Variants in SLC6A18 observed in about 807,000 individuals in gnomAD.
The protein encoded by SLC6A18 is inactive sodium-dependent neutral amino acid transporter B(0)AT3.
In SLC6A18, 58 loss-of-function variants were observed where a neutral mutation model predicts 62.9. That is an observed-to-expected ratio of 0.92 (90% CI 0.75 to 1.15). The LOEUF (loss-of-function observed/expected upper bound fraction) is 1.15. Among genes scored for constraint, SLC6A18 ranks in the 50% most tolerant of loss-of-function variants. The pLI is 0.00. For missense variants in SLC6A18, 793 were observed against 836.6 expected (o/e 0.95, Z 0.64); for synonymous variants, 382 against 365.8 (o/e 1.04, Z -0.51).
chr5:1,241,878 C>T lies in SLC6A18; in HGVS notation c.975-829C>T, dbSNP rs944529519. 3.3e-5 allele frequency among the ~76,000 whole-genome samples: 5 copies of T among 152,234 alleles called. No individual in the cohort carries two copies. The highest frequency in any genetic ancestry group is 7.3e-5 in the Non-Finnish European group (5 of 68,044). ...CCAGCCGTGCGCACAACGCCCTGCG[C>T]CGTGCAGCCCAAGCTGGCCTCGTGT... On this transcript the variant is annotated intron_variant, in intron 7 of 11. Coordinates refer to ENST00000324642, the MANE Select transcript of SLC6A18 (RefSeq NM_182632.3). The surrounding 1 kb of genome is among the most constrained non-coding windows in gnomAD (Gnocchi z 7.8).
intron 1 of SLC6A18, among the ~76,000 whole-genome samples, chr5:1,231,289 C>T (rs1746724633): frequency 6.6e-6 from 1 of 152,226 alleles, no homozygotes; most frequent in South Asian, 2.1e-4. Flanking sequence ...TGGAGCCGGC[C>T]TGTTCCCCCT....
rs201933463 is a variant in SLC6A18, at chr5:1,225,532, C to T, written c.55C>T (p.Pro19Ser). ...CGCCTGCGACCTCGGGGATGAGAGGCCCAAGTGGGACAACAAGGCCCAGTA... is the reference window on the plus strand; with the variant it reads ...CGCCTGCGACCTCGGGGATGAGAGGTCCAAGTGGGACAACAAGGCCCAGTA... ...PAACDLGDER[P>S]KWDNKAQYLL... The change falls in exon 1 of 12, where the codon CCC becomes TCC. Residue 19 changes from proline to serine, a missense_variant. Physicochemically the swap from Pro to Ser is moderately conservative, Grantham distance 74. Transcript: ENST00000324642. 291 of 1,613,312 alleles carry T rather than the reference C, an allele frequency of 1.8e-4. No homozygotes were observed. Among genetic ancestry groups the T allele is most frequent in the Non-Finnish European group, 2.2e-4 (261 of 1,179,510 alleles).
Position 1,241,408 on chromosome 5 carries a change from C to T in SLC6A18, c.974+749C>T, listed in dbSNP as rs1287385722. 2.6e-5 allele frequency among the ~76,000 whole-genome samples: 4 copies of T among 152,160 alleles called. No homozygotes were observed. In the East Asian group the frequency reaches 7.7e-4, roughly 29 times the overall value. ...ACACTTGTGTGAGGGGTGTGCCTGG[C>T]ATCCAGTGGGTGGAGGCCGAGGATA... On this transcript the variant is annotated intron_variant, in intron 7 of 11. Transcript: ENST00000324642. The surrounding 1 kb of genome is among the most constrained non-coding windows in gnomAD (Gnocchi z 7.8).
In SLC6A18 at chr5:1,239,527, A is replaced by G. The variant is rs768737970; in HGVS notation, c.810A>G (p.Gly270=). ...QIFFSLSLAF[G]GHIAFASYNS... is the part of the protein sequence containing the mutation. ...TCTTCTCTCTGTCCCTGGCCTTCGG[A>G]GGACACATCGCTTTTGCAAGTTACA... Residue 270 remains glycine (G), a synonymous_variant, in exon 6 of 12, where the codon GGA becomes GGG. Transcript: ENST00000324642. 6 of 1,614,090 alleles carry G rather than the reference A, an allele frequency of 3.7e-6. No individual in the cohort carries two copies. Among genetic ancestry groups the G allele is most frequent in the Non-Finnish European group, 4.2e-6 (5 of 1,179,996 alleles).
Position 1,243,447 on chromosome 5 carries a change from T to C in SLC6A18, c.1132-108T>C. 7.9e-7 allele frequency: 1 copy of C among 1,273,792 alleles called. No homozygotes were observed. Among genetic ancestry groups the C allele is most frequent in the Non-Finnish European group, 1.1e-6 (1 of 906,420 alleles). The allele number at this position is 1,273,792 out of a possible 1,614,324, so 78.9% of individuals were successfully genotyped here. A position where few individuals can be genotyped will look rare whatever the true frequency, so the allele number is the denominator to read the frequency against. On this transcript the variant is annotated intron_variant, in intron 8 of 11. Transcript: ENST00000324642. This position sits in a 1 kb window ranked among gnomAD's most constrained non-coding sequence, Gnocchi z 6.5. Reference sequence around the variant, plus strand: ...CAGCCCGACACCAGGAGGGGTGATGTGCACTCGTGTCCTCGGCCTGGGAGA... The same window carrying C: ...CAGCCCGACACCAGGAGGGGTGATGCGCACTCGTGTCCTCGGCCTGGGAGA...
chr5:1,233,931 C>T (rs557351635), intron 3 of SLC6A18, among the ~76,000 whole-genome samples: 72 of 152,120 alleles, frequency 4.7e-4, no homozygotes, highest in Non-Finnish European at 7.4e-4. Context: ...TTAGTAGAGA[C>T]GGGGTTTCAC....
intron 1 of SLC6A18, among the ~76,000 whole-genome samples, chr5:1,229,419 G>C (rs147462157): frequency 1.3e-5 from 2 of 152,042 alleles, no homozygotes; most frequent in South Asian, 4.1e-4. Context: ...CTTTCCCTTC[G>C]ATGATCTTGT....
intron 3 of SLC6A18, among the ~76,000 whole-genome samples, chr5:1,233,159 A>C (rs1400799805): frequency 6.6e-6 from 1 of 152,206 alleles, no homozygotes; most frequent in African/African-American, 2.4e-5. Context: ...TGGCGTGGTC[A>C]TGCGAGGGCA....
At chr5:1,228,652 G>A (rs1014626331) in intron 1 of SLC6A18, among the ~76,000 whole-genome samples, 4 of 152,186 alleles carry the variant, frequency 2.6e-5, no homozygotes, top group Non-Finnish European at 5.9e-5. Context: ...TAAACTTCAC[G>A]TAATTGTTAA....
rs762267341 is a variant in SLC6A18 at position 1,243,796 on chromosome 5, C to G, written c.1336+37C>G. 1.9e-6 allele frequency: 3 copies of G among 1,545,276 alleles called. No individual in the cohort carries two copies. Among genetic ancestry groups the G allele is most frequent in the Non-Finnish European group, 2.6e-6 (3 of 1,143,862 alleles). On this transcript the variant is annotated intron_variant, in intron 9 of 11. Coordinates refer to ENST00000324642, the MANE Select transcript of SLC6A18 (RefSeq NM_182632.3). This position sits in a 1 kb window ranked among gnomAD's most constrained non-coding sequence, Gnocchi z 6.5. ...GCTCCGCCGCCCTGGAGGACCCGTC[C>G]CCAGCATCTGACTGTCCACTCCCGC...
chr5:1,241,530 G>A lies in SLC6A18; in HGVS notation c.974+871G>A, dbSNP rs1747059885. On this transcript the variant is annotated intron_variant, in intron 7 of 11. Coordinates refer to ENST00000324642, the MANE Select transcript of SLC6A18 (RefSeq NM_182632.3). This position sits in a 1 kb window ranked among gnomAD's most constrained non-coding sequence, Gnocchi z 7.8. ...GCCTCCTGTGCTTGGGAGCAGGGCA[G>A]CACGTCAGCACTGCACCTGATGGCA... Among the ~76,000 whole-genome samples the A allele has an allele frequency of 6.6e-6, 1 of 152,200 alleles. No homozygotes were observed. Among genetic ancestry groups the A allele is most frequent in the Admixed American group, 6.5e-5 (1 of 15,282 alleles).
At chr5:1,236,458 T>C (rs891810543) in intron 4 of SLC6A18, among the ~76,000 whole-genome samples, 2 of 152,234 alleles carry the variant, frequency 1.3e-5, no homozygotes, top group African/African-American at 4.8e-5. Flanking sequence ...TCAAAGAGGC[T>C]TAAATAATGA....
At chr5:1,227,144 C>T (rs1246834342) in intron 1 of SLC6A18, among the ~76,000 whole-genome samples, 2 of 151,358 alleles carry the variant, frequency 1.3e-5, no homozygotes, top group African/African-American at 4.9e-5. Flanking sequence ...CCTTGCCCGC[C>T]GATGACTTGC....
chr5:1,238,453 G>A (rs1365682743), intron 5 of SLC6A18, among the ~76,000 whole-genome samples: 3 of 63,316 alleles, frequency 4.7e-5, no homozygotes, highest in Non-Finnish European at 3.1e-5. Context: ...GTGAGCTTGG[G>A]GCCTCAGGAA....
At chr5:1,240,241 T>C (rs1747018262) in intron 6 of SLC6A18, among the ~76,000 whole-genome samples, 1 of 152,248 alleles carries the variant, frequency 6.6e-6, no homozygotes, top group Non-Finnish European at 1.5e-5. Flanking sequence ...TTTCAGATCC[T>C]CTATGAATGC....
At chr5:1,244,166 T>TA in intron 9 of SLC6A18, 48 bp from the exon 10 acceptor site, 1 of 751,312 alleles carries the variant, frequency 1.3e-6, no homozygotes, top group Non-Finnish European at 2.2e-6. Context: ...TCCCCACACC[T>TA]CCACTCCCCA....
intron 3 of SLC6A18, 62 bp from the exon 4 acceptor site, chr5:1,235,419 G>A: frequency 1.3e-6 from 2 of 1,547,082 alleles, no homozygotes; most frequent in South Asian, 1.2e-5. Flanking sequence ...TTGAGCTCAA[G>A]AGCCACATGG....
At chr5:1,245,784 G>T in intron 11 of SLC6A18, 64 bp from the exon 12 acceptor site, 2 of 1,495,714 alleles carry the variant, frequency 1.3e-6, no homozygotes, top group Non-Finnish European at 1.8e-6. Context: ...GGATTGAGGA[G>T]CACGGGGGTC....
chr5:1,240,383 G>A, intron 6 of SLC6A18, 148 bp from the exon 7 acceptor site: 2 of 1,213,550 alleles, frequency 1.6e-6, no homozygotes, highest in Non-Finnish European at 2.3e-6. Context: ...TGAGACTCCA[G>A]GACTGGCAGC....
Sources: gnomAD v4.1 joint callset for allele counts (sites outside exome capture counted in the v4.1 genomes callset) on GRCh38, gnomAD v4.1.1 for gene constraint, Gnocchi (gnomAD v3.1) non-coding constraint, MANE v1.5 for transcripts, NCBI Gene and HGNC (gene_info 2026-07-23, HGNC 2026-07-21) for gene names.